PTPRT: variants seen among roughly 807,000 people sequenced by gnomAD.
PTPRT encodes receptor-type tyrosine-protein phosphatase T.
In PTPRT, 56 loss-of-function variants were observed where a neutral mutation model predicts 176.8. The observed-to-expected ratio is 0.32, with a 90% CI of 0.26 to 0.40. PTPRT has a LOEUF of 0.40. PTPRT is among the 10% of genes least tolerant of loss of function. PTPRT has a pLI of 1.00. For synonymous variants in PTPRT, 783 were observed against 739.0 expected, an observed-to-expected ratio of 1.06 and a Z score of -0.96; for missense variants, 1,540 against 1,908.2, an observed-to-expected ratio of 0.81 and a Z score of 3.60.
At chr20:42,283,623 C>A (rs1404402213) in intron 12 of PTPRT, among the ~76,000 whole-genome samples, 1 of 151,988 alleles carries the variant, frequency 6.6e-6, no homozygotes, top group African/African-American at 2.4e-5. Context: ...ATTGTAACCA[C>A]TCAGAGATCA....
chr20:42,274,348 C>T (rs1025757071), intron 13 of PTPRT, among the ~76,000 whole-genome samples: 1 of 152,110 alleles, frequency 6.6e-6, no homozygotes, highest in African/African-American at 2.4e-5. Context: ...AACAAATATG[C>T]CTTTGTGGTA....
intron 7 of PTPRT, among the ~76,000 whole-genome samples, chr20:42,545,235 C>T (rs1443069034): frequency 3.9e-5 from 6 of 152,170 alleles, no homozygotes; most frequent in Non-Finnish European, 7.4e-5. Context: ...TCCGTAGTAC[C>T]GGTCAAGCCA....
chr20:42,046,180 T>C, the PTPRT span, among the ~76,000 whole-genome samples: 2 of 152,212 alleles, frequency 1.3e-5, no homozygotes, highest in Admixed American at 6.5e-5. Flanking sequence ...TTAGTGCCCA[T>C]GATCACAGCT....
chr20:42,149,566 G>A (rs911295135), intron 17 of PTPRT, among the ~76,000 whole-genome samples: 1 of 151,976 alleles, frequency 6.6e-6, no homozygotes, highest in Non-Finnish European at 1.5e-5. Flanking sequence ...TGGGATTACA[G>A]TCCTGTGCCA....
intron 6 of PTPRT, among the ~76,000 whole-genome samples, chr20:42,719,259 A>C (rs1248415606): frequency 1.3e-5 from 2 of 152,230 alleles, no homozygotes; most frequent in Non-Finnish European, 2.9e-5. Flanking sequence ...TCATAATTAA[A>C]ATAATGAGAT....
At chr20:42,724,928 A>T (rs1028658083) in intron 6 of PTPRT, among the ~76,000 whole-genome samples, 2 of 151,692 alleles carry the variant, frequency 1.3e-5, no homozygotes, top group Non-Finnish European at 1.5e-5. Flanking sequence ...AAAATCCTTA[A>T]CTCCATCATA....
intron 13 of PTPRT, among the ~76,000 whole-genome samples, chr20:42,253,744 T>C (rs1043350766): frequency 9.9e-5 from 15 of 152,178 alleles, no homozygotes; most frequent in African/African-American, 3.6e-4. Flanking sequence ...CAGCTTGTAC[T>C]GACAGGAGAC....
intron 2 of PTPRT, among the ~76,000 whole-genome samples, chr20:42,847,985 C>T (rs916239697): frequency 6.6e-6 from 1 of 152,140 alleles, no homozygotes; most frequent in African/African-American, 2.4e-5. Context: ...CCTCACCCCC[C>T]TCCCACCCTT....
chr20:42,718,381 C>CA (rs570972062), intron 6 of PTPRT, among the ~76,000 whole-genome samples: 41 of 152,034 alleles, frequency 2.7e-4, no homozygotes, highest in Middle Eastern at 3.4e-3. Flanking sequence ...ACTAAAAATA[C>CA]AAAAAATCAG....
chr20:43,167,708 A>G (rs972665507), intron 1 of PTPRT, among the ~76,000 whole-genome samples: 1 of 152,224 alleles, frequency 6.6e-6, no homozygotes, highest in Non-Finnish European at 1.5e-5. Context: ...AAATGGGGCA[A>G]GCCCACATAT....
chr20:42,778,952 A>T (rs2077176507), intron 4 of PTPRT, among the ~76,000 whole-genome samples: 1 of 152,310 alleles, frequency 6.6e-6, no homozygotes, highest in East Asian at 1.9e-4. Flanking sequence ...AGAAGAGCCC[A>T]GTAGCATCTC....
intron 1 of PTPRT, among the ~76,000 whole-genome samples, chr20:42,956,424 C>G (rs1270363025): frequency 7.8e-6 from 1 of 128,086 alleles, no homozygotes; most frequent in Non-Finnish European, 1.6e-5. Flanking sequence ...CTACTCTAGC[C>G]GTGTGAGACA....
In PTPRT at chr20:42,677,945, G is replaced by A. The variant is rs2146065451; in HGVS notation, c.1074C>T (p.Ile358=). 6.2e-7 allele frequency: 1 copy of A among 1,614,148 alleles called. No homozygotes were observed. Among genetic ancestry groups the A allele is most frequent in the Non-Finnish European group, 8.5e-7 (1 of 1,180,028 alleles). ...WHLDPDVEYE[I]RVLLTRPGEG... ...CACCTGGTCGTGTGAGGAGCACTCG[G>A]ATCTCATACTCAACATCGGGGTCCA... is the stretch of plus-strand genomic sequence containing the variant. Residue 358 remains isoleucine (I), a synonymous_variant, in exon 7 of 31, where the codon ATC becomes ATT. Transcript: ENST00000373187.
intron 6 of PTPRT, among the ~76,000 whole-genome samples, chr20:42,696,864 C>T (rs3092088): frequency 3.3e-5 from 5 of 152,064 alleles, no homozygotes; most frequent in African/African-American, 1.2e-4. Context: ...CAGTAGACAC[C>T]CTGCTTGCAG....
intron 7 of PTPRT, among the ~76,000 whole-genome samples, chr20:42,493,914 C>T (rs982948417): frequency 5.9e-5 from 9 of 151,496 alleles, no homozygotes; most frequent in Non-Finnish European, 1.5e-5. Flanking sequence ...CTTCATACCC[C>T]TCCATTTAAC....
intron 7 of PTPRT, among the ~76,000 whole-genome samples, chr20:42,601,118 C>T (rs953781943): frequency 6.6e-6 from 1 of 152,184 alleles, no homozygotes; most frequent in Non-Finnish European, 1.5e-5. Context: ...ATGTTATGTA[C>T]TAGTGAGTGG....
At chr20:42,634,088 T>C (rs1439477112) in intron 7 of PTPRT, among the ~76,000 whole-genome samples, 3 of 47,012 alleles carry the variant, frequency 6.4e-5, no homozygotes, top group Non-Finnish European at 1.1e-4. Flanking sequence ...ATATATATAA[T>C]ATAATAATAT....
intron 9 of PTPRT, among the ~76,000 whole-genome samples, chr20:42,432,419 T>C (rs1296147112): frequency 6.6e-6 from 1 of 152,194 alleles, no homozygotes; most frequent in African/African-American, 2.4e-5. Context: ...CGTAAAATCC[T>C]AAGCTCCCAA....
At chr20:42,067,883 C>T (rs979593784), downstream of PTPRT, among the ~76,000 whole-genome samples, 1 of 152,116 alleles carries the variant, frequency 6.6e-6, no homozygotes, top group African/African-American at 2.4e-5. Flanking sequence ...AAAGCAAAAC[C>T]TTAAACGAAA....
Sources: gnomAD v4.1 joint callset for allele counts (sites outside exome capture counted in the v4.1 genomes callset) on GRCh38, gnomAD v4.1.1 for gene constraint, MANE v1.5 for transcripts, NCBI Gene and HGNC (gene_info 2026-07-23, HGNC 2026-07-21) for gene names.